Variants in TFG observed in about 807,000 individuals in gnomAD.
TFG encodes the protein protein TFG.
Under a neutral mutation model 51.4 loss-of-function variants are expected in TFG, and 22 were observed. The ratio of observed to expected loss-of-function variants is 0.43; its 90% CI spans 0.31 to 0.61. TFG has a LOEUF of 0.61. TFG is among the 20% of genes least tolerant of loss of function. The probability of loss-of-function intolerance (pLI) is 0.12; values close to 1 mark genes in which losing one functional copy is unlikely to be tolerated. For missense variants in TFG, 419 were observed against 487.7 expected (o/e 0.86, Z 1.33); for synonymous variants, 187 against 165.6 (o/e 1.13, Z -0.99).
At chr3:100,733,761 C>T (rs1015715589) in intron 5 of TFG, among the ~76,000 whole-genome samples, 1 of 152,088 alleles carries the variant, frequency 6.6e-6, no homozygotes, top group Admixed American at 6.6e-5. Flanking sequence ...TATTGTTGAT[C>T]TAGCAGGGAG....
intron 6 of TFG, among the ~76,000 whole-genome samples, chr3:100,741,841 A>G (rs985901439): frequency 4.6e-5 from 7 of 152,128 alleles, no homozygotes; most frequent in African/African-American, 1.7e-4. Flanking sequence ...AGAATTGCCT[A>G]AGTATTCAGT....
Position 100,748,204 on chromosome 3 carries a change from C to T in TFG, c.876C>T (p.Gly292=). 6.2e-7 allele frequency: 1 copy of T among 1,614,086 alleles called. No individual in the cohort carries two copies. The highest frequency in any genetic ancestry group is 2.2e-5 in the East Asian group (1 of 44,884). ...AACCTCAGCAGTTCCAGGGATATGG[C>T]CAGCAACCAACTTCCCAGGCACCAG... is the stretch of plus-strand genomic sequence containing the variant. ...PQQPQQFQGY[G]QQPTSQAPAP... Residue 292 remains glycine, a synonymous_variant, in exon 8 of 8, where the codon GGC becomes GGT. Transcript: ENST00000240851.
At chr3:100,743,831 G>A (rs935971823) in intron 6 of TFG, 13 of 151,602 alleles carry the variant, frequency 8.6e-5, no homozygotes, top group African/African-American at 2.9e-4. Flanking sequence ...TCAGCAGTAA[G>A]TATCTGGTTT....
At chr3:100,719,888 G>T in intron 2 of TFG, 87 bp from the exon 3 acceptor site, 3 of 774,946 alleles carry the variant, frequency 3.9e-6, no homozygotes, top group Admixed American at 6.3e-5. Flanking sequence ...CTACATTTTG[G>T]ATTTTTAATT....
chr3:100,748,122 T>TA (rs1313081495), intron 7 of TFG, 27 bp from the exon 8 acceptor site: 1 of 1,601,090 alleles, frequency 6.2e-7, no homozygotes, highest in Non-Finnish European at 8.5e-7. Context: ...AAAGATAAGA[T>TA]ACATGTTATT....
chr3:100,748,011 G>A (rs1437554846), intron 7 of TFG, 138 bp from the exon 8 acceptor site: 1 of 763,416 alleles, frequency 1.3e-6, no homozygotes, highest in Non-Finnish European at 2.1e-6. Flanking sequence ...TTATGTGATG[G>A]AATCTACCAC....
At chr3:100,731,666 C>G (rs761558908) in intron 4 of TFG, among the ~76,000 whole-genome samples, 2 of 152,106 alleles carry the variant, frequency 1.3e-5, no homozygotes, top group Non-Finnish European at 2.9e-5. Context: ...AAGTGATTCT[C>G]GTGACTCAGC....
chr3:100,740,012 T>A (rs758059257), intron 6 of TFG, among the ~76,000 whole-genome samples: 33 of 152,092 alleles, frequency 2.2e-4, no homozygotes, highest in Non-Finnish European at 4.1e-4. Context: ...TCAAGATTCG[T>A]TTGTTAAATT....
At chr3:100,747,342 CT>C (rs3832236) in intron 7 of TFG, 38,620 of 146,360 alleles carry the variant, frequency 0.26, 5,418 homozygotes, top group East Asian at 0.51. Context: ...TCATTCAATC[CT>C]TTTTTTTTTT....
At chr3:100,724,888 A>G (rs9855255) in intron 3 of TFG, among the ~76,000 whole-genome samples, 2,735 of 152,324 alleles carry the variant, frequency 0.018, 77 homozygotes, top group African/African-American at 0.062. Flanking sequence ...GAAAAGTCGT[A>G]GCAAACTATG....
chr3:100,713,893 T>G, intron 2 of TFG, 24 bp downstream of exon 2: 1 of 1,375,012 alleles, frequency 7.3e-7, no homozygotes, highest in Non-Finnish European at 9.7e-7. Context: ...TAAAGCTATT[T>G]TTTAAAGTCT....
intron 3 of TFG, among the ~76,000 whole-genome samples, chr3:100,720,979 G>A (rs7635652): frequency 0.67 from 102,111 of 151,836 alleles, 34,506 homozygotes; most frequent in South Asian, 0.83. Context: ...AGAGTTCAGT[G>A]TGAAATATGA....
At chr3:100,720,593 T>A (rs1259477246) in intron 3 of TFG, among the ~76,000 whole-genome samples, 1 of 152,242 alleles carries the variant, frequency 6.6e-6, no homozygotes, top group African/African-American at 2.4e-5. Context: ...CTAATGCCAC[T>A]GCTGAACTGA....
chr3:100,721,939 G>A (rs779913597), intron 3 of TFG, among the ~76,000 whole-genome samples: 11 of 152,148 alleles, frequency 7.2e-5, no homozygotes, highest in Non-Finnish European at 1.5e-4. Context: ...TTGCCTGAGT[G>A]CAGGAGTTCG....
chr3:100,732,471 A>G lies in TFG; in HGVS notation c.416-37A>G, dbSNP rs780350066. Reference sequence around the variant, plus strand: ...TAGGCCTTACTGAATATAGATAAAAAGGAAACAAGTTTTTGTTTATTCCTC... The same window carrying G: ...TAGGCCTTACTGAATATAGATAAAAGGGAAACAAGTTTTTGTTTATTCCTC... On this transcript the variant is annotated intron_variant, in intron 4 of 7. Transcript: ENST00000240851. 3.2e-6 allele frequency: 5 copies of G among 1,543,050 alleles called. No homozygotes were observed. In the South Asian group the frequency reaches 6.0e-5, roughly 18 times the overall value.
chr3:100,720,691 G>A (rs2095058288), intron 3 of TFG, among the ~76,000 whole-genome samples: 1 of 152,142 alleles, frequency 6.6e-6, no homozygotes, highest in Non-Finnish European at 1.5e-5. Context: ...ACTGGGTTGG[G>A]GACCCTTGCT....
chr3:100,716,387 C>G (rs1161327939), intron 2 of TFG, among the ~76,000 whole-genome samples: 1 of 152,120 alleles, frequency 6.6e-6, no homozygotes, highest in African/African-American at 2.4e-5. Flanking sequence ...TTTTTTATGG[C>G]TGAATTGTAT....
chr3:100,741,780 A>G (rs1392460097), intron 6 of TFG, among the ~76,000 whole-genome samples: 1 of 152,036 alleles, frequency 6.6e-6, no homozygotes, highest in Non-Finnish European at 1.5e-5. Flanking sequence ...TTTTCACTGT[A>G]CCTTTTTTAT....
At chr3:100,741,110 C>T (rs928345265) in intron 6 of TFG, among the ~76,000 whole-genome samples, 1 of 151,978 alleles carries the variant, frequency 6.6e-6, no homozygotes, top group African/African-American at 2.4e-5. Flanking sequence ...GACTCTCTTA[C>T]TCATTTGTGA....
Sources: allele counts gnomAD v4.1 joint callset (sites outside exome capture counted in the v4.1 genomes callset), GRCh38; gene constraint gnomAD v4.1.1; transcripts MANE v1.5; gene names NCBI Gene and HGNC (gene_info 2026-07-23, HGNC 2026-07-21).